Variants in ANO6 observed in about 807,000 individuals in gnomAD.
ANO6 encodes the protein anoctamin-6.
A neutral mutation model predicts 117.5 loss-of-function variants in ANO6; 106 were observed. The observed-to-expected ratio is 0.90, with a 90% CI of 0.77 to 1.06. ANO6 has a LOEUF of 1.06. Among genes scored for constraint, ANO6 ranks in the 50% least tolerant of loss-of-function variants. The pLI, the probability that ANO6 is intolerant of heterozygous loss-of-function variation, is 0.00. For synonymous variants in ANO6, 367 were observed against 385.1 expected (o/e 0.95, Z 0.55); for missense variants, 955 against 1,121.1 (o/e 0.85, Z 2.12).
At chr12:45,267,978 C>G (rs961449142) in intron 1 of ANO6, among the ~76,000 whole-genome samples, 2 of 152,166 alleles carry the variant, frequency 1.3e-5, no homozygotes, top group African/African-American at 4.8e-5. Context: ...CCAACCCTCT[C>G]CTATTTTAGG....
chr12:45,317,391 G>A (rs554078749), intron 2 of ANO6, among the ~76,000 whole-genome samples: 16 of 149,444 alleles, frequency 1.1e-4, no homozygotes, highest in East Asian at 1.0e-3. Context: ...TTGTCCTTGC[G>A]ATAGTTTGCT....
intron 8 of ANO6, among the ~76,000 whole-genome samples, chr12:45,358,142 G>T (rs1941461030): frequency 6.6e-6 from 1 of 152,182 alleles, no homozygotes; most frequent in African/African-American, 2.4e-5. Flanking sequence ...TTGATATCTG[G>T]CTGCTATCCA....
chr12:45,440,052 C>A, exon 20 of ANO6: 3 of 1,042,552 alleles, frequency 2.9e-6, no homozygotes, highest in Non-Finnish European at 3.8e-6. Flanking sequence ...CCAATACTGG[C>A]ATTTAAGACC....
At chr12:45,264,936 C>T (rs1938166609) in intron 1 of ANO6, among the ~76,000 whole-genome samples, 1 of 152,156 alleles carries the variant, frequency 6.6e-6, no homozygotes, top group Non-Finnish European at 1.5e-5. Flanking sequence ...TTGGAAAAAT[C>T]CTGTAGCTTA....
At chr12:45,292,776 G>A in intron 1 of ANO6, 1 of 1,455,616 alleles carries the variant, frequency 6.9e-7, no homozygotes, top group Non-Finnish European at 9.1e-7. Flanking sequence ...TGGAGAAATT[G>A]TGCTTACTGA....
chr12:45,381,081 C>T (rs1391009602), intron 10 of ANO6, among the ~76,000 whole-genome samples: 1 of 152,200 alleles, frequency 6.6e-6, no homozygotes, highest in African/African-American at 2.4e-5. Flanking sequence ...CAGCAGCAAA[C>T]TCTTACAGCA....
intron 1 of ANO6, among the ~76,000 whole-genome samples, chr12:45,234,405 A>AT (rs1030772443): frequency 9.9e-5 from 15 of 151,424 alleles, no homozygotes; most frequent in South Asian, 4.2e-4. Context: ...TTTCCTACTG[A>AT]TTTTTTTTTA....
In ANO6 at chr12:45,274,548, G is replaced by A. The variant is rs373330972; in HGVS notation, c.71-27466G>A. Among the ~76,000 whole-genome samples, 69 of 152,046 alleles carry A rather than the reference G, an allele frequency of 4.5e-4. 2 individuals are homozygous for A. In the South Asian group the frequency reaches 0.014, roughly 31 times the overall value. On this transcript the variant is annotated intron_variant, in intron 1 of 19. Coordinates refer to ENST00000320560, the MANE Select transcript of ANO6 (RefSeq NM_001025356.3). ...AAGTTTTGCAAGGACTCCTGTAGTC[G>A]CTTCCTGCCACCATTCATGCACCTC...
At chr12:45,284,558 G>C (rs1479909431) in intron 1 of ANO6, among the ~76,000 whole-genome samples, 1 of 152,196 alleles carries the variant, frequency 6.6e-6, no homozygotes, top group Non-Finnish European at 1.5e-5. Context: ...ATGCCCACCA[G>C]GGGCTACCTC....
At chr12:45,397,417 G>GA (rs1280431143) in intron 12 of ANO6, among the ~76,000 whole-genome samples, 2 of 152,326 alleles carry the variant, frequency 1.3e-5, no homozygotes, top group East Asian at 3.9e-4. Context: ...CATTGTGGAA[G>GA]ACTGTGTGGA....
intron 1 of ANO6, among the ~76,000 whole-genome samples, chr12:45,267,445 G>A (rs1248419753): frequency 6.6e-6 from 1 of 152,112 alleles, no homozygotes; most frequent in East Asian, 1.9e-4. Context: ...TTGGGTTAGG[G>A]CTTCCACATC....
rs1304799703 is a variant in ANO6 at position 45,429,171 on chromosome 12, A to G, written c.2593A>G (p.Ser865Gly). ...AIPDVSKRTKSKIQREKYLTQ... is the reference protein window; with the variant it reads ...AIPDVSKRTKGKIQREKYLTQ... Reference sequence around the variant, plus strand: ...TCCCGATGTATCAAAACGCACAAAGAGCAAGATCCAGAGAGAAAAATACCT... The same window carrying G: ...TCCCGATGTATCAAAACGCACAAAGGGCAAGATCCAGAGAGAAAAATACCT... The change falls in exon 20 of 20, where the codon AGC becomes GGC. Residue 865 changes from serine (S) to glycine (G), a missense_variant. Ser to Gly is a moderately conservative substitution (Grantham distance 56, BLOSUM62 0). Coordinates refer to ENST00000320560, the MANE Select transcript of ANO6 (RefSeq NM_001025356.3). The G allele has an allele frequency of 6.2e-7, 1 of 1,613,860 alleles. No individual in the cohort carries two copies. Among genetic ancestry groups the G allele is most frequent in the African/African-American group, 1.3e-5 (1 of 74,936 alleles).
intron 1 of ANO6, among the ~76,000 whole-genome samples, chr12:45,259,471 T>C (rs957536402): frequency 3.3e-5 from 5 of 152,160 alleles, no homozygotes; most frequent in South Asian, 2.1e-4. Flanking sequence ...AGGTGAGATG[T>C]AGAGGATAGA....
intron 19 of ANO6, among the ~76,000 whole-genome samples, chr12:45,425,459 A>G (rs1943477850): frequency 6.6e-6 from 1 of 152,234 alleles, no homozygotes; most frequent in Non-Finnish European, 1.5e-5. Context: ...AATGCGGCAC[A>G]CCAAAAATAA....
chr12:45,350,844 C>A, intron 7 of ANO6, 70 bp downstream of exon 7: 2 of 1,269,270 alleles, frequency 1.6e-6, no homozygotes, highest in Non-Finnish European at 2.3e-6. Context: ...CTGAATGTGA[C>A]AGTACTCATC....
rs566788609 is a variant in ANO6 at position 45,381,628 on chromosome 12, C to G, written c.1165+3515C>G. ...GAGTGAAATAAGGAACTAAAACACT[C>G]ACCTGTCGCTGCAATTCCCAGGGGT... On this transcript the variant is annotated intron_variant, in intron 10 of 19. Transcript: ENST00000320560. 2.4e-4 allele frequency among the ~76,000 whole-genome samples: 36 copies of G among 152,318 alleles called. No individual in the cohort carries two copies. The South Asian group carries it at 7.2e-3, about 31-fold the overall frequency.
At chr12:45,248,411 A>G (rs1947855297) in intron 1 of ANO6, among the ~76,000 whole-genome samples, 1 of 145,882 alleles carries the variant, frequency 6.9e-6, no homozygotes, top group Non-Finnish European at 1.5e-5. Context: ...AAGAAAATAT[A>G]TTTTATAAAA....
In ANO6 at chr12:45,368,092, T is replaced by A. The variant is rs144882495; in HGVS notation, c.1104+299T>A. 1.1e-4 allele frequency among the ~76,000 whole-genome samples: 16 copies of A among 152,364 alleles called. No individual in the cohort carries two copies. The East Asian group carries it at 3.1e-3, about 29-fold the overall frequency. On this transcript the variant is annotated intron_variant, in intron 9 of 19. Transcript: ENST00000320560. ...GAAATCTCAAACCCATTTTATCTTA[T>A]AAATACTTTTTAATAGATTCACTAC...
intron 16 of ANO6, among the ~76,000 whole-genome samples, chr12:45,415,545 G>A (rs1943193368): frequency 6.6e-6 from 1 of 152,204 alleles, no homozygotes; most frequent in Non-Finnish European, 1.5e-5. Context: ...TTAGGGTTGG[G>A]TGAGTCATAG....
Sources: gnomAD v4.1 joint callset for allele counts (sites outside exome capture counted in the v4.1 genomes callset) on GRCh38, gnomAD v4.1.1 for gene constraint, MANE v1.5 for transcripts, NCBI Gene and HGNC (gene_info 2026-07-23, HGNC 2026-07-21) for gene names.